Variants in ST7 observed in about 807,000 individuals in gnomAD.
ST7 encodes the protein suppression of tumorigenicity 7.
In ST7, 28 loss-of-function variants were observed where a neutral mutation model predicts 78.7. That is an observed-to-expected ratio of 0.36 (90% CI 0.26 to 0.49). The LOEUF (loss-of-function observed/expected upper bound fraction) is 0.49. ST7 is among the 20% of genes least tolerant of loss of function. ST7 has a pLI of 0.99. For synonymous variants in ST7, 247 were observed against 249.6 expected (o/e 0.99, Z 0.10); for missense variants, 418 against 696.0 (o/e 0.60, Z 4.49).
chr7:117,012,657 A>G (rs1795435214), intron 1 of ST7, among the ~76,000 whole-genome samples: 1 of 152,196 alleles, frequency 6.6e-6, no homozygotes, highest in Non-Finnish European at 1.5e-5. Context: ...CTAGTAAGTA[A>G]GTAAACCAAG....
intron 1 of ST7, among the ~76,000 whole-genome samples, chr7:117,059,051 G>T (rs552035416): frequency 1.3e-5 from 2 of 152,250 alleles, no homozygotes; most frequent in East Asian, 3.9e-4. Context: ...GATTGGGAAG[G>T]TGGGGACACG....
At chr7:117,142,041 G>C (rs775771149) in intron 9 of ST7, among the ~76,000 whole-genome samples, 21 of 152,080 alleles carry the variant, frequency 1.4e-4, no homozygotes, top group Middle Eastern at 3.4e-3. Context: ...TTAAATTTAA[G>C]GAAAGGTCTT....
At chr7:117,198,403 G>A in intron 12 of ST7, 1 of 431,044 alleles carries the variant, frequency 2.3e-6, no homozygotes, top group Non-Finnish European at 4.6e-6. Context: ...GACAACCAGA[G>A]AGTATAACAG....
chr7:117,161,855 C>T (rs2117217756), intron 9 of ST7, among the ~76,000 whole-genome samples: 1 of 152,180 alleles, frequency 6.6e-6, no homozygotes, highest in East Asian at 1.9e-4. Flanking sequence ...CTGCCTTGGC[C>T]TCCCAAAGTG....
At chr7:117,191,432 A>T (rs766200156) in intron 12 of ST7, among the ~76,000 whole-genome samples, 30 of 152,230 alleles carry the variant, frequency 2.0e-4, no homozygotes, top group Non-Finnish European at 3.8e-4. Flanking sequence ...TACCATTTTA[A>T]TAAGTGTATA....
intron 1 of ST7, among the ~76,000 whole-genome samples, chr7:117,003,791 G>A (rs1003145654): frequency 1.3e-5 from 2 of 152,204 alleles, no homozygotes; most frequent in African/African-American, 4.8e-5. Context: ...ATGTTTCATA[G>A]GAAGGGGTTT....
intron 1 of ST7, among the ~76,000 whole-genome samples, chr7:117,031,438 G>A (rs1796495494): frequency 6.6e-6 from 1 of 151,200 alleles, no homozygotes; most frequent in African/African-American, 2.4e-5. Context: ...GCATATATAT[G>A]CATATATGTG....
intron 12 of ST7, among the ~76,000 whole-genome samples, chr7:117,195,004 A>G (rs1157757256): frequency 2.0e-5 from 3 of 152,208 alleles, no homozygotes; most frequent in Non-Finnish European, 4.4e-5. Flanking sequence ...TTTTCTGACA[A>G]GTTTCCAAAA....
intron 10 of ST7, among the ~76,000 whole-genome samples, chr7:117,176,355 T>C (rs1808343446): frequency 6.6e-6 from 1 of 152,198 alleles, no homozygotes; most frequent in South Asian, 2.1e-4. Context: ...TGCCATCTGG[T>C]AATTTGCAGA....
chr7:116,977,718 A>AT (rs982287525), intron 1 of ST7, among the ~76,000 whole-genome samples: 5 of 151,976 alleles, frequency 3.3e-5, no homozygotes, highest in Non-Finnish European at 5.9e-5. Context: ...CGCCCAGCTA[A>AT]TTTTTTTGTA....
At chr7:117,071,030 T>C (rs1370674652) in intron 1 of ST7, among the ~76,000 whole-genome samples, 2 of 151,836 alleles carry the variant, frequency 1.3e-5, no homozygotes, top group Non-Finnish European at 2.9e-5. Flanking sequence ...CCATCTTGGT[T>C]AACACGGTGA....
At chr7:116,976,030 G>C (rs1187519509) in intron 1 of ST7, among the ~76,000 whole-genome samples, 2 of 152,018 alleles carry the variant, frequency 1.3e-5, no homozygotes, top group African/African-American at 4.8e-5. Context: ...GGAGGCCGAG[G>C]CAGGCAGATC....
At chr7:117,032,215 G>T (rs1351590741) in intron 1 of ST7, among the ~76,000 whole-genome samples, 2 of 151,822 alleles carry the variant, frequency 1.3e-5, no homozygotes, top group African/African-American at 4.8e-5. Context: ...AAAAAAGAAT[G>T]GTTTTGTACT....
intron 1 of ST7, among the ~76,000 whole-genome samples, chr7:116,988,101 G>A (rs1321675365): frequency 1.3e-5 from 2 of 152,162 alleles, no homozygotes; most frequent in African/African-American, 4.8e-5. Context: ...TGCTAGTTCA[G>A]GAGTACTGGC....
At chr7:116,993,519 G>A (rs1270698369) in intron 1 of ST7, among the ~76,000 whole-genome samples, 2 of 152,200 alleles carry the variant, frequency 1.3e-5, no homozygotes, top group East Asian at 3.9e-4. Context: ...GATTATGGGA[G>A]TACAATTCAA....
intron 1 of ST7, among the ~76,000 whole-genome samples, chr7:117,053,653 T>C (rs893196575): frequency 1.3e-5 from 2 of 152,214 alleles, no homozygotes; most frequent in African/African-American, 2.4e-5. Flanking sequence ...CAACTGTTGA[T>C]TGAGCAATTT....
rs574448412 is a variant in ST7 at position 117,222,128 on chromosome 7, G to A, written c.1638+66G>A. On this transcript the variant is annotated intron_variant, in intron 15 of 15. Transcript: ENST00000323984. ...GGAAAGCCAAGGGCATAAAAGCAGC[G>A]TGAGAGAAATGGGGTTGCCTTACAG... is the stretch of plus-strand genomic sequence containing the variant. The A allele has an allele frequency of 1.2e-4, 188 of 1,521,780 alleles. No homozygotes were observed. The South Asian group carries it at 1.6e-3, about 13-fold the overall frequency. 94.3% of individuals were successfully genotyped at this position (1,521,780 alleles called of 1,614,324 possible).
Position 117,103,156 on chromosome 7 carries a change from T to G in ST7, c.234+3312T>G, listed in dbSNP as rs1801692610. 3.3e-5 allele frequency among the ~76,000 whole-genome samples: 5 copies of G among 152,166 alleles called. 1 individual carries two copies. The South Asian group carries it at 1.0e-3, about 32-fold the overall frequency. On this transcript the variant is annotated intron_variant, in intron 2 of 15. Transcript: ENST00000323984. Reference sequence around the variant, plus strand: ...ATATCATCAAAATGACAATACTCTGTGAATAAATTTTATAATACTCTGCAC... The same window carrying G: ...ATATCATCAAAATGACAATACTCTGGGAATAAATTTTATAATACTCTGCAC...
chr7:117,136,560 C>A (rs1361168721), intron 8 of ST7: 1 of 503,730 alleles, frequency 2.0e-6, no homozygotes, highest in Non-Finnish European at 3.5e-6. Flanking sequence ...CTGCTCACAA[C>A]TTTAAAACCC....
Sources: allele counts gnomAD v4.1 joint callset (sites outside exome capture counted in the v4.1 genomes callset), GRCh38; gene constraint gnomAD v4.1.1; transcripts MANE v1.5; gene names NCBI Gene and HGNC (gene_info 2026-07-23, HGNC 2026-07-21).